GPR160: variants seen among roughly 807,000 people sequenced by gnomAD.
The protein encoded by GPR160 is G protein-coupled receptor 160.
A neutral mutation model predicts 2.6 loss-of-function variants in GPR160; 2 were observed. The observed-to-expected ratio is 0.77, with a 90% confidence interval of 0.32 to 2.44. The LOEUF (loss-of-function observed/expected upper bound fraction) is 2.44. GPR160 is among the 30% of genes most tolerant of loss of function. GPR160 has a pLI of 0.11. For synonymous variants in GPR160, 130 were observed against 132.2 expected (o/e 0.98, Z 0.12); for missense variants, 351 against 383.6 (o/e 0.91, Z 0.71).
At position 170,077,976 on chromosome 3, in the gene GPR160, T is replaced by C. The variant is rs367804508; in HGVS notation, c.-192-1798T>C. On this transcript the variant is annotated intron_variant, in intron 2 of 3. Transcript: ENST00000355897. ...ATTGGAATTGGAGCCCTCTTGGGAT[T>C]TCCAAGTTCGAGGGAATTTTCAAGC... 27 of 154,148 alleles carry C rather than the reference T, an allele frequency of 1.8e-4. No homozygotes were observed. In the East Asian group the frequency reaches 4.4e-3, roughly 25 times the overall value. 9.5% of individuals were successfully genotyped at this position (154,148 alleles called of 1,614,324 possible).
intron 2 of GPR160, chr3:170,062,423 T>C: frequency 2.2e-6 from 1 of 457,040 alleles, no homozygotes; most frequent in Non-Finnish European, 4.1e-6. Flanking sequence ...TGCTCTGGAA[T>C]GTGTTCCAGC....
intron 2 of GPR160, among the ~76,000 whole-genome samples, chr3:170,066,419 G>A (rs1214537357): frequency 1.3e-5 from 2 of 151,970 alleles, no homozygotes; most frequent in African/African-American, 4.8e-5. Flanking sequence ...GATTACAGGT[G>A]TGAGCCACCG....
intron 2 of GPR160, among the ~76,000 whole-genome samples, chr3:170,078,247 C>T (rs1412411541): frequency 6.6e-6 from 1 of 152,118 alleles, no homozygotes; most frequent in African/African-American, 2.4e-5. Context: ...ACATCTTTAA[C>T]ATTATGGGCC....
At chr3:170,072,338 G>A (rs1712639332) in intron 2 of GPR160, among the ~76,000 whole-genome samples, 1 of 152,080 alleles carries the variant, frequency 6.6e-6, no homozygotes, top group Admixed American at 6.6e-5. Flanking sequence ...GCCTTCCAAT[G>A]TGCTGGGATT....
At chr3:170,042,771 A>T (rs1716511934) in intron 2 of GPR160, among the ~76,000 whole-genome samples, 1 of 149,950 alleles carries the variant, frequency 6.7e-6, no homozygotes. Context: ...AGGCTGCAGT[A>T]AGCTATGTTT....
chr3:170,071,271 C>T (rs549611507), intron 2 of GPR160, among the ~76,000 whole-genome samples: 6 of 152,220 alleles, frequency 3.9e-5, no homozygotes, highest in African/African-American at 9.6e-5. Context: ...GGCTTGGCAC[C>T]GTCCCCTTGG....
At chr3:170,054,685 G>A (rs922087824) in intron 2 of GPR160, among the ~76,000 whole-genome samples, 7 of 151,986 alleles carry the variant, frequency 4.6e-5, no homozygotes, top group African/African-American at 1.7e-4. Context: ...GATTATTCTA[G>A]GTACCTCATA....
intron 2 of GPR160, among the ~76,000 whole-genome samples, chr3:170,049,234 G>A (rs116776447): frequency 0.048 from 7,315 of 152,120 alleles, 547 homozygotes; most frequent in African/African-American, 0.17. Context: ...ACATTATATT[G>A]TCAGCATTTT....
intron 2 of GPR160, among the ~76,000 whole-genome samples, chr3:170,074,842 C>G (rs1361899358): frequency 1.3e-5 from 2 of 151,630 alleles, no homozygotes; most frequent in Non-Finnish European, 2.9e-5. Flanking sequence ...TCCCTTTAAC[C>G]TACTTTGGGT....
rs376639895 is a variant in GPR160 at position 170,084,672 on chromosome 3, G to A, written c.700G>A (p.Val234Met). The change falls in exon 4 of 4, where the codon GTG (valine) becomes ATG (methionine). Residue 234 changes from valine to methionine, a missense_variant. By Grantham distance (21) the Val-to-Met change is conservative (BLOSUM62 1). Coordinates refer to ENST00000355897, the MANE Select transcript of GPR160 (RefSeq NM_014373.3). ...TTTTTCATCCCACTCCAGTTATACT[G>A]TGAGATCTAAAAAAATATTCTTATC... ...FPFSSHSSYT[V>M]RSKKIFLSKL... 1 of 1,610,180 alleles carries A rather than the reference G, an allele frequency of 6.2e-7. No homozygotes were observed. The highest frequency in any genetic ancestry group is 8.5e-7 in the Non-Finnish European group (1 of 1,176,864).
In GPR160 at chr3:170,084,499, T is replaced by C. The variant is rs192710143; in HGVS notation, c.527T>C (p.Phe176Ser). The C allele has an allele frequency of 4.3e-6, 7 of 1,613,488 alleles. No homozygotes were observed. Among genetic ancestry groups the C allele is most frequent in the Admixed American group, 1.7e-5 (1 of 60,002 alleles). ...AQNAYSRHCPFYVSIQSYWLS... is the reference protein window; with the variant it reads ...AQNAYSRHCPSYVSIQSYWLS... ...AATGCTTATTCTCGTCACTGTCCTT[T>C]CTATGTCAGCATTCAGAGTTACTGG... Residue 176 changes from phenylalanine (F) to serine (S), a missense_variant, in exon 4 of 4, where the codon TTC becomes TCC. By Grantham distance (155) the Phe-to-Ser change is radical. Coordinates refer to ENST00000355897, the MANE Select transcript of GPR160 (RefSeq NM_014373.3).
At chr3:170,066,167 GCCT>G (rs1712327127) in intron 2 of GPR160, among the ~76,000 whole-genome samples, 1 of 94,388 alleles carries the variant, frequency 1.1e-5, no homozygotes, top group African/African-American at 4.6e-5. Flanking sequence ...TTGTGACAGA[GCCT>G]CGCTCTGTCA....
At chr3:170,082,346 T>TAA (rs962495839) in intron 3 of GPR160, among the ~76,000 whole-genome samples, 2 of 152,172 alleles carry the variant, frequency 1.3e-5, no homozygotes, top group Non-Finnish European at 2.9e-5. Flanking sequence ...GTATGAAAAC[T>TAA]AAGTCTTCCT....
intron 2 of GPR160, among the ~76,000 whole-genome samples, chr3:170,054,711 G>T (rs1711544051): frequency 6.6e-6 from 1 of 151,816 alleles, no homozygotes; most frequent in African/African-American, 2.4e-5. Context: ...GGGATCATAT[G>T]ATATTTGTCA....
intron 2 of GPR160, among the ~76,000 whole-genome samples, chr3:170,039,546 A>G (rs1259347917): frequency 2.0e-5 from 3 of 152,140 alleles, no homozygotes; most frequent in Non-Finnish European, 2.9e-5. Context: ...CTTCTCTACT[A>G]AAAATACAAA....
intron 2 of GPR160, among the ~76,000 whole-genome samples, chr3:170,066,331 G>C (rs570969214): frequency 6.6e-6 from 1 of 151,440 alleles, no homozygotes; most frequent in East Asian, 1.9e-4. Context: ...TAGTAGAGAC[G>C]GGTTTCACCA....
At chr3:170,064,062 C>A (rs1207771155) in intron 2 of GPR160, among the ~76,000 whole-genome samples, 1 of 152,094 alleles carries the variant, frequency 6.6e-6, no homozygotes, top group Non-Finnish European at 1.5e-5. Flanking sequence ...CTTACATGTA[C>A]ATAGGTCTTG....
At chr3:170,063,685 C>T (rs542586295) in intron 2 of GPR160, among the ~76,000 whole-genome samples, 1 of 151,676 alleles carries the variant, frequency 6.6e-6, no homozygotes, top group East Asian at 1.9e-4. Context: ...ATGAGGAAGA[C>T]GCTGTCTCCC....
At chr3:170,072,109 T>C (rs2160900) in intron 2 of GPR160, among the ~76,000 whole-genome samples, 51,872 of 143,156 alleles carry the variant, frequency 0.36, 10,494 homozygotes, top group East Asian at 0.68. Context: ...GATTCTCGCT[T>C]TGTCACCCAG....
Sources: allele counts gnomAD v4.1 joint callset (sites outside exome capture counted in the v4.1 genomes callset), GRCh38; gene constraint gnomAD v4.1.1; transcripts MANE v1.5; gene names NCBI Gene and HGNC (gene_info 2026-07-23, HGNC 2026-07-21).